RPTOR: variants seen among roughly 807,000 people sequenced by gnomAD.
The protein encoded by RPTOR is regulatory associated protein of MTOR complex 1.
In RPTOR, 21 loss-of-function variants were observed where a neutral mutation model predicts 169.9. The ratio of observed to expected loss-of-function variants is 0.12; its 90% CI spans 0.09 to 0.18. The LOEUF is 0.18. RPTOR is among the 10% of genes least tolerant of loss of function. The pLI is 1.00. For synonymous variants in RPTOR, 732 were observed against 753.2 expected (o/e 0.97, Z 0.46); for missense variants, 1,133 against 1,855.9 (o/e 0.61, Z 7.16).
chr17:80,858,859 C>A (rs957413597), intron 13 of RPTOR, among the ~76,000 whole-genome samples: 1 of 152,196 alleles, frequency 6.6e-6, no homozygotes, highest in Admixed American at 6.5e-5. Flanking sequence ...CCGGTAGACA[C>A]AGTTGAACTT....
rs1294302136 is a variant in RPTOR, at chr17:80,876,117, G to A, written c.1510-4298G>A. Among the ~76,000 whole-genome samples, 2 of 100,420 alleles carry A rather than the reference G, an allele frequency of 2.0e-5. 1 individual carries two copies. The highest frequency in any genetic ancestry group is 8.3e-4 in the East Asian group (2 of 2,402). 65.9% of individuals were successfully genotyped at this position (100,420 alleles called of 152,430 possible). A position where few individuals can be genotyped will look rare whatever the true frequency, so the allele number is the denominator to read the frequency against. ...ACCTGCCGGGTCTTCCACCGAGCCC[G>A]TGCTGCCCAGGATGTGTGTGTCACC... is the stretch of plus-strand genomic sequence containing the variant. On this transcript the variant is annotated intron_variant, in intron 13 of 33. Transcript: ENST00000306801.
intron 5 of RPTOR, among the ~76,000 whole-genome samples, chr17:80,738,165 C>T (rs944658622): frequency 5.9e-5 from 9 of 152,158 alleles, no homozygotes; most frequent in Non-Finnish European, 1.0e-4. Flanking sequence ...AGGGCAGCCC[C>T]AGGGGGAGCA....
chr17:80,864,073 A>C (rs542505743), intron 13 of RPTOR, among the ~76,000 whole-genome samples: 18 of 152,262 alleles, frequency 1.2e-4, no homozygotes, highest in Non-Finnish European at 2.1e-4. Flanking sequence ...GCTAGCAGAA[A>C]AAGTATTTGA....
intron 1 of RPTOR, among the ~76,000 whole-genome samples, chr17:80,624,370 T>C (rs914152873): frequency 2.6e-5 from 4 of 152,194 alleles, no homozygotes; most frequent in Non-Finnish European, 5.9e-5. Context: ...TTTAGTTCAG[T>C]GCAATTTTAA....
At chr17:80,669,034 C>G (rs1475538748) in intron 3 of RPTOR, among the ~76,000 whole-genome samples, 2 of 152,184 alleles carry the variant, frequency 1.3e-5, no homozygotes, top group African/African-American at 4.8e-5. Context: ...GCCCCTGCAG[C>G]CAGGGCTTTG....
chr17:80,574,180 C>T (rs1364182310), intron 1 of RPTOR, among the ~76,000 whole-genome samples: 5 of 124,374 alleles, frequency 4.0e-5, no homozygotes, highest in Admixed American at 3.7e-4. Flanking sequence ...TTTTTTGAGA[C>T]GGAGTCTCGC....
chr17:80,590,135 G>A (rs1478113177), intron 1 of RPTOR, among the ~76,000 whole-genome samples: 1 of 152,274 alleles, frequency 6.6e-6, no homozygotes, highest in Admixed American at 6.5e-5. Flanking sequence ...CTATCAAGAT[G>A]ATCATATGCT....
chr17:80,895,692 G>A (rs7502953), intron 20 of RPTOR, among the ~76,000 whole-genome samples: 110,028 of 152,162 alleles, frequency 0.72, 40,235 homozygotes, highest in Admixed American at 0.79. Flanking sequence ...TGTAGATGTC[G>A]CCCCAGGCCT....
chr17:80,747,035 C>T (rs947903172), intron 5 of RPTOR, among the ~76,000 whole-genome samples: 9 of 151,984 alleles, frequency 5.9e-5, no homozygotes, highest in African/African-American at 1.4e-4. Context: ...CTGGCCAACA[C>T]GGTGAAACCC....
intron 3 of RPTOR, among the ~76,000 whole-genome samples, chr17:80,698,122 C>T (rs1035628491): frequency 2.6e-5 from 4 of 152,098 alleles, no homozygotes; most frequent in Admixed American, 6.5e-5. Flanking sequence ...TGAAGGTGCC[C>T]TATGGGGAAA....
At chr17:80,817,394 C>T (rs142693371) in intron 7 of RPTOR, among the ~76,000 whole-genome samples, 2 of 152,000 alleles carry the variant, frequency 1.3e-5, no homozygotes, top group African/African-American at 2.4e-5. Flanking sequence ...GGCAGTGAGG[C>T]GGCCACCCCA....
chr17:80,634,524 C>CCATG, intron 2 of RPTOR, among the ~76,000 whole-genome samples: 1 of 117,616 alleles, frequency 8.5e-6, no homozygotes, highest in African/African-American at 3.5e-5. Context: ...TGTGTGCGTA[C>CCATG]TGTGTGCATG....
chr17:80,551,573 C>T (rs1242929645), intron 1 of RPTOR, among the ~76,000 whole-genome samples: 5 of 152,216 alleles, frequency 3.3e-5, no homozygotes, highest in Non-Finnish European at 4.4e-5. Flanking sequence ...TATTGCTGCC[C>T]GCATGTCCCA....
intron 13 of RPTOR, among the ~76,000 whole-genome samples, chr17:80,879,290 C>T (rs2068158323): frequency 6.6e-6 from 1 of 151,742 alleles, no homozygotes; most frequent in African/African-American, 2.4e-5. Context: ...GCCCACCTGC[C>T]ATGTCCTTCC....
At chr17:80,668,856 G>C (rs2065800777) in intron 3 of RPTOR, among the ~76,000 whole-genome samples, 1 of 152,252 alleles carries the variant, frequency 6.6e-6, no homozygotes, top group African/African-American at 2.4e-5. Context: ...TTGTTCCCAT[G>C]ATTTCAGAGA....
intron 1 of RPTOR, among the ~76,000 whole-genome samples, chr17:80,554,424 T>G (rs1466827237): frequency 6.6e-6 from 1 of 152,064 alleles, no homozygotes; most frequent in East Asian, 1.9e-4. Context: ...ACAGTGTATT[T>G]CAACCCATTG....
intron 17 of RPTOR, among the ~76,000 whole-genome samples, chr17:80,890,430 G>A (rs552725755): frequency 6.6e-6 from 1 of 152,178 alleles, no homozygotes; most frequent in Non-Finnish European, 1.5e-5. Context: ...TTTGCCAGGG[G>A]AGCCTGGGAC....
At chr17:80,608,277 C>T (rs946244003) in intron 1 of RPTOR, among the ~76,000 whole-genome samples, 1 of 152,196 alleles carries the variant, frequency 6.6e-6, no homozygotes, top group Non-Finnish European at 1.5e-5. Flanking sequence ...GATCTCATTT[C>T]CCTCCTTTCC....
Position 80,883,988 on chromosome 17 carries a change from G to T in RPTOR, c.1842+16G>T, listed in dbSNP as rs371596063. 1.2e-6 allele frequency: 2 copies of T among 1,601,376 alleles called. No individual in the cohort carries two copies. Among genetic ancestry groups the T allele is most frequent in the Admixed American group, 1.7e-5 (1 of 59,732 alleles). On this transcript the variant is annotated intron_variant, in intron 16 of 33. Coordinates refer to ENST00000306801, the MANE Select transcript of RPTOR (RefSeq NM_020761.3). ...CATTCCCGAGGTGAGTCAGGCGGGGGCTCAGAGTCCAGTCCTCCTGGCTGC... is the reference window on the plus strand; with the variant it reads ...CATTCCCGAGGTGAGTCAGGCGGGGTCTCAGAGTCCAGTCCTCCTGGCTGC...
Sources: gnomAD v4.1 joint callset for allele counts (sites outside exome capture counted in the v4.1 genomes callset) on GRCh38, gnomAD v4.1.1 for gene constraint, MANE v1.5 for transcripts, NCBI Gene and HGNC (gene_info 2026-07-23, HGNC 2026-07-21) for gene names.